PDE3B: variants seen among roughly 807,000 people sequenced by gnomAD.
The protein encoded by PDE3B is cGMP-inhibited 3',5'-cyclic phosphodiesterase 3B.
A neutral mutation model predicts 116.8 loss-of-function variants in PDE3B; 66 were observed. That is an observed-to-expected ratio of 0.56 (90% CI 0.46 to 0.69). The LOEUF (loss-of-function observed/expected upper bound fraction) is 0.69, where lower values mean the gene tolerates loss of function less well. PDE3B is among the 30% of genes least tolerant of loss of function. The pLI is 0.00. For missense variants in PDE3B, 1,384 were observed against 1,368.1 expected (o/e 1.01, Z -0.18); for synonymous variants, 595 against 533.6 (o/e 1.12, Z -1.59).
At chr11:14,810,821 C>T (rs1216215398) in intron 5 of PDE3B, among the ~76,000 whole-genome samples, 1 of 147,618 alleles carries the variant, frequency 6.8e-6, no homozygotes, top group Non-Finnish European at 1.5e-5. Context: ...ACATCCTCTC[C>T]AGCACCTGTT....
intron 1 of PDE3B, among the ~76,000 whole-genome samples, chr11:14,677,434 T>C (rs1303807745): frequency 6.6e-6 from 1 of 152,262 alleles, no homozygotes; most frequent in East Asian, 1.9e-4. Context: ...TATGTAATGA[T>C]ATCTTTCTAT....
chr11:14,876,815 C>T (rs1848194206), downstream of PDE3B, among the ~76,000 whole-genome samples: 1 of 152,118 alleles, frequency 6.6e-6, no homozygotes, highest in African/African-American at 2.4e-5. Flanking sequence ...TTTGATTACA[C>T]CATGTAACAT....
intron 1 of PDE3B, among the ~76,000 whole-genome samples, chr11:14,755,748 T>C (rs904165826): frequency 6.6e-6 from 1 of 152,202 alleles, no homozygotes; most frequent in Non-Finnish European, 1.5e-5. Flanking sequence ...ATAAAAACTT[T>C]ATGGAAATAT....
At chr11:14,850,516 C>T (rs938508450) in intron 12 of PDE3B, among the ~76,000 whole-genome samples, 2 of 151,916 alleles carry the variant, frequency 1.3e-5, no homozygotes, top group African/African-American at 4.8e-5. Context: ...AAAAAGATTT[C>T]TGCTCCTCCT....
At chr11:14,860,559 C>CA (rs1322312237) in intron 13 of PDE3B, among the ~76,000 whole-genome samples, 1 of 152,006 alleles carries the variant, frequency 6.6e-6, no homozygotes, top group East Asian at 1.9e-4. Flanking sequence ...GTGAACAAGG[C>CA]ATTTTTTCAT....
At chr11:14,885,513 C>T in the PDE3B span, among the ~76,000 whole-genome samples, 1 of 152,088 alleles carries the variant, frequency 6.6e-6, no homozygotes. Context: ...TTTCACAAAA[C>T]CTGCAGATGT....
At chr11:14,733,269 G>T (rs2133856211) in intron 1 of PDE3B, among the ~76,000 whole-genome samples, 1 of 152,276 alleles carries the variant, frequency 6.6e-6, no homozygotes, top group African/African-American at 2.4e-5. Context: ...CTTGTAAAAA[G>T]ATATCTCAGC....
chr11:14,670,740 C>G (rs1854339071), intron 1 of PDE3B, among the ~76,000 whole-genome samples: 1 of 152,090 alleles, frequency 6.6e-6, no homozygotes, highest in Non-Finnish European at 1.5e-5. Context: ...TTGTGAAAAT[C>G]AAATTTTACG....
Position 14,834,952 on chromosome 11 carries a change from C to G in PDE3B, c.2207-30C>G, listed in dbSNP as rs781334471. Reference sequence around the variant, plus strand: ...TACTTTTTAAATGTTGTGTGTTAAACCTAACAGAAAAACGTTTTGGTGACT... The same window carrying G: ...TACTTTTTAAATGTTGTGTGTTAAAGCTAACAGAAAAACGTTTTGGTGACT... On this transcript the variant is annotated intron_variant, in intron 10 of 15. Transcript: ENST00000282096. 3.1e-6 allele frequency: 4 copies of G among 1,291,440 alleles called. No individual in the cohort carries two copies. The South Asian group carries it at 5.1e-5, about 16-fold the overall frequency. 80.0% of individuals were successfully genotyped at this position (1,291,440 alleles called of 1,614,324 possible). A position where few individuals can be genotyped will look rare whatever the true frequency, so the allele number is the denominator to read the frequency against.
rs1227158655 is a variant in PDE3B, at chr11:14,759,341, A to G, written c.979-12596A>G. ...ATTGACTGGAATAGTTTCAGAAGGAATGGTACCAGTTCCTCCTTGTACCTC... is the reference window on the plus strand; with the variant it reads ...ATTGACTGGAATAGTTTCAGAAGGAGTGGTACCAGTTCCTCCTTGTACCTC... On this transcript the variant is annotated intron_variant, in intron 1 of 15. Transcript: ENST00000282096. 3.9e-5 allele frequency among the ~76,000 whole-genome samples: 6 copies of G among 152,276 alleles called. No homozygotes were observed. The East Asian group carries it at 9.7e-4, about 25-fold the overall frequency.
At chr11:14,880,440 A>G in the PDE3B span, 2 of 1,613,430 alleles carry the variant, frequency 1.2e-6, no homozygotes, top group South Asian at 1.1e-5. Context: ...CAATCCATGG[A>G]AAGGCATTAT....
intron 1 of PDE3B, among the ~76,000 whole-genome samples, chr11:14,668,222 A>G (rs558223220): frequency 1.1e-4 from 17 of 152,236 alleles, no homozygotes; most frequent in African/African-American, 3.9e-4. Context: ...AGTCCTACTT[A>G]AGCTCAATAT....
chr11:14,773,011 G>A (rs1434204659), intron 2 of PDE3B: 1 of 151,944 alleles, frequency 6.6e-6, no homozygotes, highest in Non-Finnish European at 1.5e-5. Flanking sequence ...GTGTTGAATG[G>A]AAGTGGTATG....
At chr11:14,768,982 C>G (rs1196142988) in intron 1 of PDE3B, among the ~76,000 whole-genome samples, 1 of 151,432 alleles carries the variant, frequency 6.6e-6, no homozygotes, top group Non-Finnish European at 1.5e-5. Context: ...AGAAGGCAGT[C>G]TGCTAGCTCT....
At chr11:14,652,183 T>C (rs1227646840) in intron 1 of PDE3B, among the ~76,000 whole-genome samples, 1 of 152,212 alleles carries the variant, frequency 6.6e-6, no homozygotes, top group Non-Finnish European at 1.5e-5. Context: ...GGTCCAACTT[T>C]ATTCTTTTGC....
intron 1 of PDE3B, among the ~76,000 whole-genome samples, chr11:14,663,857 C>G (rs528876759): frequency 6.6e-6 from 1 of 151,220 alleles, no homozygotes; most frequent in South Asian, 2.1e-4. Flanking sequence ...ATTAGATCAA[C>G]AAGACAGAAA....
intron 1 of PDE3B, among the ~76,000 whole-genome samples, chr11:14,721,477 A>T (rs983741175): frequency 5.9e-5 from 9 of 151,658 alleles, no homozygotes; most frequent in Admixed American, 3.3e-4. Context: ...ATGCACACGT[A>T]TGTTTATTGT....
At chr11:14,838,922 T>C (rs554808931) in intron 11 of PDE3B, among the ~76,000 whole-genome samples, 3 of 152,324 alleles carry the variant, frequency 2.0e-5, no homozygotes, top group Admixed American at 1.3e-4. Flanking sequence ...CCTTGTATAC[T>C]GTAGAGGAAG....
intron 1 of PDE3B, among the ~76,000 whole-genome samples, chr11:14,762,688 G>C (rs938235831): frequency 1.3e-5 from 2 of 152,190 alleles, no homozygotes; most frequent in Non-Finnish European, 2.9e-5. Context: ...TATTTAGGAG[G>C]CTTTGGTAAT....
Sources: gnomAD v4.1 joint callset for allele counts (sites outside exome capture counted in the v4.1 genomes callset) on GRCh38, gnomAD v4.1.1 for gene constraint, MANE v1.5 for transcripts, NCBI Gene and HGNC (gene_info 2026-07-23, HGNC 2026-07-21) for gene names.